Variants in CBR3 observed in about 807,000 individuals in gnomAD.
The protein encoded by CBR3 is carbonyl reductase 3, also known as carbonyl reductase [NADPH] 3.
A neutral mutation model predicts 11.6 loss-of-function variants in CBR3; 14 were observed. The ratio of observed to expected loss-of-function variants is 1.20; its 90% CI spans 0.79 to 1.88. The LOEUF is 1.88. Among genes scored for constraint, CBR3 ranks in the 40% most tolerant of loss-of-function variants. The probability of loss-of-function intolerance (pLI) is 0.00; values close to 1 mark genes in which losing one functional copy is unlikely to be tolerated. For missense variants in CBR3, 308 were observed against 357.3 expected (o/e 0.86, Z 1.11); for synonymous variants, 125 against 145.6 (o/e 0.86, Z 1.02).
intron 2 of CBR3, among the ~76,000 whole-genome samples, chr21:36,144,817 T>A (rs1192227845): frequency 6.8e-6 from 1 of 147,676 alleles, no homozygotes; most frequent in East Asian, 2.0e-4. Flanking sequence ...AATAAAAAAA[T>A]TTTAGGCCAG....
rs372587458 is a variant in CBR3 at position 36,146,151 on chromosome 21, T to A, written c.473T>A (p.Phe158Tyr). 99 of 1,613,760 alleles carry A rather than the reference T, an allele frequency of 6.1e-5. No individual in the cohort carries two copies. Among genetic ancestry groups the A allele is most frequent in the Non-Finnish European group, 7.5e-5 (88 of 1,179,926 alleles). The change falls in exon 3 of 3, where the codon TTC (phenylalanine) becomes TAC (tyrosine). Residue 158 changes from phenylalanine (F) to tyrosine (Y), a missense_variant. Physicochemically the swap from Phe to Tyr is conservative, Grantham distance 22. Coordinates refer to ENST00000290354, the MANE Select transcript of CBR3 (RefSeq NM_001236.4). ...TGCAGTGAAGATCTGCAGGAAAGGTTCCACAGTGAGACACTCACAGAAGGA... is the reference window on the plus strand; with the variant it reads ...TGCAGTGAAGATCTGCAGGAAAGGTACCACAGTGAGACACTCACAGAAGGA... Reference protein sequence around the residue: ...ENCSEDLQERFHSETLTEGDL... With the variant: ...ENCSEDLQERYHSETLTEGDL...
At chr21:36,137,148 G>A (rs1174994852) in intron 1 of CBR3, 1 of 151,758 alleles carries the variant, frequency 6.6e-6, no homozygotes, top group Non-Finnish European at 1.5e-5. Flanking sequence ...TGTGGCTGGA[G>A]ACCAGTAGCT....
At chr21:36,142,769 G>C (rs959633375) in intron 2 of CBR3, among the ~76,000 whole-genome samples, 1 of 152,098 alleles carries the variant, frequency 6.6e-6, no homozygotes, top group African/African-American at 2.4e-5. Flanking sequence ...GGTATTTATC[G>C]AACTATTCTT....
Position 36,146,141 on chromosome 21 carries a change from C to T in CBR3, c.463C>T (p.Gln155Ter), listed in dbSNP as rs750230536. The T allele has an allele frequency of 6.2e-7, 1 of 1,613,756 alleles. No individual in the cohort carries two copies. Among genetic ancestry groups the T allele is most frequent in the African/African-American group, 1.3e-5 (1 of 74,936 alleles). Residue 155 changes from glutamine (Q) to a stop codon, truncating the protein, a stop_gained, in exon 3 of 3, where the codon CAG becomes TAG. Transcript: ENST00000290354. LOFTEE classifies it low-confidence loss of function (END_TRUNC). Reference protein sequence around the residue: ...RAFENCSEDLQERFHSETLTE... With the variant: ...RAFENCSEDL ...TTTTGAAAACTGCAGTGAAGATCTG[C>T]AGGAAAGGTTCCACAGTGAGACACT... is the stretch of plus-strand genomic sequence containing the variant.
chr21:36,146,025 A>T, intron 2 of CBR3, 51 bp from the exon 3 acceptor site: 1 of 1,213,126 alleles, frequency 8.2e-7, no homozygotes, highest in Non-Finnish European at 1.2e-6. Context: ...TTATTCAACC[A>T]GTGGTTGTAC....
In CBR3 at chr21:36,135,126, G is replaced by T; in HGVS notation, c.-67G>T. On this transcript the variant is annotated 5_prime_UTR_variant, in exon 1 of 3. Coordinates refer to ENST00000290354, the MANE Select transcript of CBR3 (RefSeq NM_001236.4). ...ATTGACACTAGCTGGGCTCCTCGGG[G>T]CGCGCCCCAGGTGGTCCGAAGCCCG... The T allele has an allele frequency of 7.2e-7, 1 of 1,385,766 alleles. No homozygotes were observed. The highest frequency in any genetic ancestry group is 9.3e-7 in the Non-Finnish European group (1 of 1,069,718). 85.8% of individuals were successfully genotyped at this position (1,385,766 alleles called of 1,614,324 possible). A position where few individuals can be genotyped will look rare whatever the true frequency, so the allele number is the denominator to read the frequency against.
In CBR3 at chr21:36,135,183, C is replaced by G. The variant is rs756334238; in HGVS notation, c.-10C>G. 8.3e-6 allele frequency: 12 copies of G among 1,446,222 alleles called. No homozygotes were observed. The highest frequency in any genetic ancestry group is 5.9e-5 in the African/African-American group (4 of 68,156). 89.6% of individuals were successfully genotyped at this position (1,446,222 alleles called of 1,614,324 possible). ...CCTCCACGCAGGTGCCCCGCGCTCC[C>G]CGCTCAGCCATGTCGTCCTGCAGCC... On this transcript the variant is annotated 5_prime_UTR_variant, in exon 1 of 3. Coordinates refer to ENST00000290354, the MANE Select transcript of CBR3 (RefSeq NM_001236.4).
chr21:36,142,575 A>G (rs2065722252), intron 2 of CBR3, among the ~76,000 whole-genome samples: 1 of 152,136 alleles, frequency 6.6e-6, no homozygotes, highest in African/African-American at 2.4e-5. Flanking sequence ...GTATAATGAT[A>G]AATGCCTGGC....
chr21:36,135,089 C>T lies in CBR3; in HGVS notation c.-104C>T, dbSNP rs1360030869. On this transcript the variant is annotated 5_prime_UTR_variant, in exon 1 of 3. Transcript: ENST00000290354. ...GCAGCACTGGATCCCAGAACTTAGT[C>T]TGCGCGGCGGCATTGACACTAGCTG... The T allele has an allele frequency of 8.6e-7, 1 of 1,163,260 alleles. No homozygotes were observed. Among genetic ancestry groups the T allele is most frequent in the Non-Finnish European group, 1.1e-6 (1 of 873,750 alleles). 72.1% of individuals were successfully genotyped at this position (1,163,260 alleles called of 1,614,324 possible).
At chr21:36,135,644 G>A in intron 1 of CBR3, 163 bp downstream of exon 1, 1 of 667,194 alleles carries the variant, frequency 1.5e-6, no homozygotes, top group Non-Finnish European at 2.4e-6. Context: ...TTCGCTTTCC[G>A]TGATTCGCTG....
chr21:36,145,709 C>G (rs1411124315), intron 2 of CBR3, among the ~76,000 whole-genome samples: 1 of 151,998 alleles, frequency 6.6e-6, no homozygotes, highest in African/African-American at 2.4e-5. Flanking sequence ...CCTGTAATCT[C>G]AGCATTTTGG....
intron 2 of CBR3, among the ~76,000 whole-genome samples, chr21:36,142,439 A>AAAAAAAAAAAACAAACAAAC (rs774406466): frequency 6.8e-6 from 1 of 147,646 alleles, no homozygotes; most frequent in Admixed American, 6.7e-5. Context: ...CTCAAAAAAA[A>AAAAAAAAAAAACAAACAAAC]AAAAAAAAAC....
chr21:36,145,960 CAAAA>C (rs367940562), intron 2 of CBR3, 112 bp from the exon 3 acceptor site: 1,829 of 452,166 alleles, frequency 4.0e-3, no homozygotes, highest in Non-Finnish European at 4.4e-3. Context: ...GACTCTGTCT[CAAAA>C]AAAAAAAAAA....
At chr21:36,136,216 GC>G (rs988252378) in intron 1 of CBR3, among the ~76,000 whole-genome samples, 2 of 151,834 alleles carry the variant, frequency 1.3e-5, no homozygotes, top group African/African-American at 4.8e-5. Flanking sequence ...ACTTTGGGAG[GC>G]CGAGGCAGGA....
intron 2 of CBR3, among the ~76,000 whole-genome samples, chr21:36,145,802 A>T (rs940722512): frequency 6.6e-6 from 1 of 152,230 alleles, no homozygotes; most frequent in South Asian, 2.1e-4. Context: ...TCTACTAAAA[A>T]TACAAAAATT....
intron 2 of CBR3, among the ~76,000 whole-genome samples, chr21:36,142,916 G>A (rs1039054490): frequency 6.6e-6 from 1 of 152,172 alleles, no homozygotes; most frequent in Non-Finnish European, 1.5e-5. Context: ...CAAGGACAGA[G>A]TGAGGGTATC....
At chr21:36,143,204 C>T (rs1208583862) in intron 2 of CBR3, among the ~76,000 whole-genome samples, 2 of 151,778 alleles carry the variant, frequency 1.3e-5, no homozygotes, top group Non-Finnish European at 2.9e-5. Context: ...ACTTGGGAGG[C>T]TGAGGCAGGA....
rs746509104 is a variant in CBR3, at chr21:36,137,933, G to T, written c.397+1G>T. The T allele has an allele frequency of 6.4e-7, 1 of 1,561,456 alleles. No homozygotes were observed. The highest frequency in any genetic ancestry group is 1.1e-5 in the South Asian group (1 of 89,958). ...TTACTGCCGATAATGAAACCTCATG[G>T]TAAGCCCAACGTGTGGACAGTCGGG... is the stretch of plus-strand genomic sequence containing the variant. On this transcript the variant is annotated splice_donor_variant, in intron 2 of 2. Transcript: ENST00000290354. LOFTEE classifies it high-confidence loss of function.
chr21:36,141,368 CA>C, intron 2 of CBR3: 1 of 152,128 alleles, frequency 6.6e-6, no homozygotes, highest in South Asian at 2.1e-4. Flanking sequence ...TATAGTCTGG[CA>C]AAGTCATCTA....
Sources: gnomAD v4.1 joint callset for allele counts (sites outside exome capture counted in the v4.1 genomes callset) on GRCh38, gnomAD v4.1.1 for gene constraint, MANE v1.5 for transcripts, NCBI Gene and HGNC (gene_info 2026-07-23, HGNC 2026-07-21) for gene names.